IPO7: variants seen among roughly 807,000 people sequenced by gnomAD.
The protein encoded by IPO7 is importin-7.
A neutral mutation model predicts 136.4 loss-of-function variants in IPO7; 13 were observed. That is an observed-to-expected ratio of 0.10 (90% CI 0.06 to 0.15). IPO7 has a LOEUF of 0.15. Among genes scored for constraint, IPO7 ranks in the 10% least tolerant of loss-of-function variants. The pLI, the probability that IPO7 is intolerant of heterozygous loss-of-function variation, is 1.00. For synonymous variants in IPO7, 403 were observed against 404.4 expected, an observed-to-expected ratio of 1.00 and a Z score of 0.04; for missense variants, 857 against 1,240.6, an observed-to-expected ratio of 0.69 and a Z score of 4.65.
intron 1 of IPO7, among the ~76,000 whole-genome samples, chr11:9,389,079 G>T (rs1854591912): frequency 6.6e-6 from 1 of 151,384 alleles, no homozygotes; most frequent in East Asian, 1.9e-4. Context: ...TTTGTGGCAG[G>T]TTCTCACTCG....
intron 18 of IPO7, 68 bp downstream of exon 18, chr11:9,433,914 G>C: frequency 7.5e-7 from 1 of 1,330,720 alleles, no homozygotes; most frequent in South Asian, 1.4e-5. Flanking sequence ...CTTATCATTT[G>C]AACATACACT....
chr11:9,393,104 A>G (rs1012452356), intron 1 of IPO7, among the ~76,000 whole-genome samples: 2 of 152,204 alleles, frequency 1.3e-5, no homozygotes, highest in Non-Finnish European at 2.9e-5. Flanking sequence ...GTAAACATCA[A>G]GTAGAAAAAG....
chr11:9,406,393 A>G (rs1402619921), intron 2 of IPO7, among the ~76,000 whole-genome samples: 1 of 152,004 alleles, frequency 6.6e-6, no homozygotes, highest in African/African-American at 2.4e-5. Flanking sequence ...CTGCCTTTAA[A>G]TCCAAATTTT....
At chr11:9,436,390 G>C in intron 20 of IPO7, 24 bp downstream of exon 20, 3 of 1,465,202 alleles carry the variant, frequency 2.0e-6, no homozygotes, top group Non-Finnish European at 2.9e-6. Context: ...ATAATGATTT[G>C]TAGTTCAGAG....
At position 9,420,407 on chromosome 11, in the gene IPO7, A is replaced by G. The variant is rs899859489; in HGVS notation, c.727-4A>G. 4.4e-6 allele frequency: 7 copies of G among 1,583,912 alleles called. No individual in the cohort carries two copies. Among genetic ancestry groups the G allele is most frequent in the Admixed American group, 3.3e-5 (2 of 59,826 alleles). On this transcript the variant is annotated splice_region_variant and splice_polypyrimidine_tract_variant and intron_variant, in intron 6 of 24. Coordinates refer to ENST00000379719, the MANE Select transcript of IPO7 (RefSeq NM_006391.3). Reference sequence around the variant, plus strand: ...TCTATCATTAAATAAGTGTCTTTTTAAAGGAAACACTTCAAGTTGAAGAAG... The same window carrying G: ...TCTATCATTAAATAAGTGTCTTTTTGAAGGAAACACTTCAAGTTGAAGAAG...
At chr11:9,395,172 C>G (rs957405149) in intron 1 of IPO7, among the ~76,000 whole-genome samples, 1 of 152,078 alleles carries the variant, frequency 6.6e-6, no homozygotes, top group Non-Finnish European at 1.5e-5. Flanking sequence ...CATAATTGCC[C>G]AAATTTTAAA....
At chr11:9,389,975 T>C (rs1854605728) in intron 1 of IPO7, among the ~76,000 whole-genome samples, 1 of 152,214 alleles carries the variant, frequency 6.6e-6, no homozygotes, top group African/African-American at 2.4e-5. Flanking sequence ...CAGCCTGGTC[T>C]TGAACTCCTC....
At chr11:9,420,185 C>T (rs111525099) in intron 6 of IPO7, 6 of 450,986 alleles carry the variant, frequency 1.3e-5, no homozygotes, top group African/African-American at 4.1e-5. Flanking sequence ...GGCGTTGTGG[C>T]GGCCACCTGT....
At chr11:9,417,316 C>G (rs1564997781) in intron 6 of IPO7, among the ~76,000 whole-genome samples, 168 bp downstream of exon 6, 2 of 152,014 alleles carry the variant, frequency 1.3e-5, no homozygotes, top group Admixed American at 1.3e-4. Flanking sequence ...TGCATTACAT[C>G]TGTACATTTA....
In IPO7 at chr11:9,422,413, T is replaced by G. The variant is rs186764538; in HGVS notation, c.907-593T>G. Among the ~76,000 whole-genome samples the G allele has an allele frequency of 4.7e-3, 720 of 151,736 alleles. 8 individuals carry two copies. The highest frequency in any genetic ancestry group is 0.038 in the South Asian group (183 of 4,832). Reference sequence around the variant, plus strand: ...TTTACTCAAAACACAGTTTTGTTTTTTTTTTTAAAAAAAGACAATATCATT... The same window carrying G: ...TTTACTCAAAACACAGTTTTGTTTTGTTTTTTAAAAAAAGACAATATCATT... On this transcript the variant is annotated intron_variant, in intron 8 of 24. Transcript: ENST00000379719.
chr11:9,445,635 G>T lies in IPO7; in HGVS notation c.*441G>T, dbSNP rs778885929. ...ACCTATGAGTATTTGTCCAATTTCT[G>T]TCTCTTCCTCACCATTGGGTATCTA... On this transcript the variant is annotated 3_prime_UTR_variant, in exon 25 of 25. Coordinates refer to ENST00000379719, the MANE Select transcript of IPO7 (RefSeq NM_006391.3). The T allele has an allele frequency of 3.2e-5, 5 of 155,140 alleles. No homozygotes were observed. Among genetic ancestry groups the T allele is most frequent in the Non-Finnish European group, 7.2e-5 (5 of 69,880 alleles). 9.6% of individuals were successfully genotyped at this position (155,140 alleles called of 1,614,324 possible).
chr11:9,420,327 C>A, intron 6 of IPO7, 84 bp from the exon 7 acceptor site: 1 of 852,216 alleles, frequency 1.2e-6, no homozygotes, highest in Non-Finnish European at 1.9e-6. Flanking sequence ...GTGAAGCATT[C>A]ACATTTTTGT....
intron 3 of IPO7, among the ~76,000 whole-genome samples, chr11:9,408,874 C>G (rs1472030112): frequency 1.3e-5 from 2 of 151,194 alleles, no homozygotes; most frequent in African/African-American, 4.9e-5. Flanking sequence ...GCACCACGCC[C>G]AGCTAATTTT....
At chr11:9,396,362 C>G (rs1202318015) in intron 1 of IPO7, among the ~76,000 whole-genome samples, 1 of 152,176 alleles carries the variant, frequency 6.6e-6, no homozygotes, top group Non-Finnish European at 1.5e-5. Context: ...CGCCACTGCA[C>G]TCCGGCCAGG....
chr11:9,386,091 A>G (rs890665252), intron 1 of IPO7, among the ~76,000 whole-genome samples: 5 of 152,268 alleles, frequency 3.3e-5, no homozygotes, highest in Non-Finnish European at 4.4e-5. Context: ...AAATATTACT[A>G]ACTGGACTTT....
chr11:9,403,867 T>C (rs1453111150), intron 2 of IPO7, among the ~76,000 whole-genome samples: 2 of 152,142 alleles, frequency 1.3e-5, no homozygotes, highest in Non-Finnish European at 2.9e-5. Flanking sequence ...CATTTTTAAT[T>C]TTTTTTATTT....
intron 5 of IPO7, 186 bp downstream of exon 5, chr11:9,414,597 T>A (rs2133742012): frequency 5.4e-5 from 10 of 185,586 alleles, no homozygotes; most frequent in East Asian, 1.2e-4. Flanking sequence ...CCTCCCCAAA[T>A]ACATAAACAA....
At chr11:9,397,341 A>AAAAAAAAATATATATATATATATATAT in intron 1 of IPO7, among the ~76,000 whole-genome samples, 3 of 10,762 alleles carry the variant, frequency 2.8e-4, no homozygotes, top group Non-Finnish European at 3.7e-4. Context: ...TTTAAAAAAA[A>AAAAAAAAATATATATATATATATATAT]ATATATATAT....
intron 15 of IPO7, 58 bp from the exon 16 acceptor site, chr11:9,430,816 AC>A: frequency 6.6e-7 from 1 of 1,505,684 alleles, no homozygotes; most frequent in Non-Finnish European, 9.2e-7. Context: ...AAAGTCTTAG[AC>A]CAAAACATAT....
Sources: allele counts gnomAD v4.1 joint callset (sites outside exome capture counted in the v4.1 genomes callset), GRCh38; gene constraint gnomAD v4.1.1; transcripts MANE v1.5; gene names NCBI Gene and HGNC (gene_info 2026-07-23, HGNC 2026-07-21).